Variants in ACTR3C observed in about 807,000 individuals in gnomAD.
The protein encoded by ACTR3C is actin-related protein 3C.
In ACTR3C, 18 loss-of-function variants were observed where a neutral mutation model predicts 26.3. The observed-to-expected ratio is 0.68, with a 90% CI of 0.47 to 1.01. The LOEUF is 1.01. Among genes scored for constraint, ACTR3C ranks in the 50% least tolerant of loss-of-function variants. The pLI is 0.00. For synonymous variants in ACTR3C, 55 were observed against 94.5 expected (o/e 0.58, Z 2.42); for missense variants, 184 against 250.7 (o/e 0.73, Z 1.80).
the ACTR3C span, among the ~76,000 whole-genome samples, chr7:149,944,803 G>A: frequency 6.6e-6 from 1 of 150,876 alleles, no homozygotes; most frequent in Admixed American, 6.6e-5. Flanking sequence ...CCAAACTACT[G>A]TAATGTGACA....
At chr7:150,069,271 CT>C in the ACTR3C span, among the ~76,000 whole-genome samples, 2 of 151,984 alleles carry the variant, frequency 1.3e-5, no homozygotes, top group African/African-American at 4.8e-5. Context: ...TAATTATGAC[CT>C]TTTTGTTTCT....
downstream of ACTR3C, chr7:150,246,312 G>A (rs914295378): frequency 3.3e-5 from 5 of 152,160 alleles, no homozygotes; most frequent in Non-Finnish European, 7.3e-5. Flanking sequence ...GTTAAATGAT[G>A]TTCCTAGCCA....
the ACTR3C span, among the ~76,000 whole-genome samples, chr7:150,136,536 G>A: frequency 6.6e-6 from 1 of 152,054 alleles, no homozygotes; most frequent in South Asian, 2.1e-4. Context: ...CAGGCATGGT[G>A]GGGGGTGTCT....
chr7:150,161,654 T>A, the ACTR3C span, among the ~76,000 whole-genome samples: 1 of 152,124 alleles, frequency 6.6e-6, no homozygotes, highest in Non-Finnish European at 1.5e-5. Context: ...GACCCAGCCA[T>A]CCCATTACTG....
At chr7:150,073,343 T>A in the ACTR3C span, among the ~76,000 whole-genome samples, 3 of 82,828 alleles carry the variant, frequency 3.6e-5, no homozygotes, top group African/African-American at 1.4e-4. Context: ...TCAAGTCAGT[T>A]AACATGACAA....
chr7:150,127,670 T>A, the ACTR3C span, among the ~76,000 whole-genome samples: 5 of 151,880 alleles, frequency 3.3e-5, no homozygotes, highest in African/African-American at 1.2e-4. Flanking sequence ...TATTGTACTG[T>A]TTTTTTTCTT....
intron 6 of ACTR3C, among the ~76,000 whole-genome samples, chr7:150,257,267 G>T (rs1247720355): frequency 5.3e-5 from 8 of 152,216 alleles, no homozygotes; most frequent in Non-Finnish European, 1.2e-4. Context: ...CTCTGTGCTA[G>T]TTTACAAGGA....
chr7:150,236,461 C>A, the ACTR3C span, among the ~76,000 whole-genome samples: 1 of 152,158 alleles, frequency 6.6e-6, no homozygotes, highest in East Asian at 1.9e-4. Context: ...TTGCCAGTAA[C>A]TCTAGATACA....
chr7:150,290,290 C>T (rs561821307), intron 3 of ACTR3C, among the ~76,000 whole-genome samples: 8 of 152,316 alleles, frequency 5.3e-5, no homozygotes, highest in African/African-American at 1.2e-4. Context: ...CGACCTGGGC[C>T]GATCAATGGC....
the ACTR3C span, among the ~76,000 whole-genome samples, chr7:150,039,752 T>C: frequency 9.2e-4 from 83 of 90,288 alleles, no homozygotes; most frequent in South Asian, 3.5e-3. Context: ...TGCCTCCCCC[T>C]CCTGCGATGG....
At chr7:149,970,727 G>A in the ACTR3C span, among the ~76,000 whole-genome samples, 1 of 151,998 alleles carries the variant, frequency 6.6e-6, no homozygotes, top group Non-Finnish European at 1.5e-5. Context: ...ATTATAAATG[G>A]ACCATTTCTA....
the ACTR3C span, among the ~76,000 whole-genome samples, chr7:149,990,751 G>C: frequency 6.6e-6 from 1 of 151,938 alleles, no homozygotes; most frequent in Non-Finnish European, 1.5e-5. Context: ...TAAGAAACAA[G>C]GGCGCATAGG....
the ACTR3C span, among the ~76,000 whole-genome samples, chr7:150,055,615 T>C: frequency 1.3e-5 from 2 of 152,098 alleles, no homozygotes; most frequent in Non-Finnish European, 2.9e-5. Context: ...TTAAGTTTCA[T>C]GTCAGGAAGA....
chr7:150,297,601 C>G (rs1403939185), intron 1 of ACTR3C, among the ~76,000 whole-genome samples: 8 of 152,226 alleles, frequency 5.3e-5, no homozygotes, highest in Non-Finnish European at 7.3e-5. Context: ...CCTGTAATCC[C>G]AGCACTTTGG....
chr7:150,169,159 A>ATCAGGAGG, the ACTR3C span, among the ~76,000 whole-genome samples: 5 of 150,248 alleles, frequency 3.3e-5, no homozygotes, highest in South Asian at 2.1e-4. Context: ...AGGTGGGCAC[A>ATCAGGAGG]TCAGGAGGTC....
At chr7:150,209,289 A>G in the ACTR3C span, among the ~76,000 whole-genome samples, 1 of 137,110 alleles carries the variant, frequency 7.3e-6, no homozygotes, top group Non-Finnish European at 1.5e-5. Flanking sequence ...AGACAGAAAC[A>G]GAGAGAGAGA....
chr7:149,890,198 A>T, the ACTR3C span, among the ~76,000 whole-genome samples: 1 of 152,176 alleles, frequency 6.6e-6, no homozygotes, highest in Non-Finnish European at 1.5e-5. Context: ...CATGAAAAAA[A>T]ATCCAAACCT....
At chr7:150,125,067 C>T in the ACTR3C span, among the ~76,000 whole-genome samples, 1 of 152,088 alleles carries the variant, frequency 6.6e-6, no homozygotes, top group Non-Finnish European at 1.5e-5. Context: ...GTCATATTTT[C>T]CTTTTTCTTG....
At chr7:150,172,920 C>T in the ACTR3C span, among the ~76,000 whole-genome samples, 37 of 150,180 alleles carry the variant, frequency 2.5e-4, no homozygotes, top group Non-Finnish European at 3.1e-4. Context: ...ATCCAGGTCA[C>T]GCTGATGCAA....
Sources: allele counts gnomAD v4.1 joint callset (sites outside exome capture counted in the v4.1 genomes callset), GRCh38; gene constraint gnomAD v4.1.1; transcripts MANE v1.5; gene names NCBI Gene and HGNC (gene_info 2026-07-23, HGNC 2026-07-21).